TMEM232: variants seen among roughly 807,000 people sequenced by gnomAD.
The protein encoded by TMEM232 is transmembrane protein 232.
Under a neutral mutation model 78.8 loss-of-function variants are expected in TMEM232, and 80 were observed. That is an observed-to-expected ratio of 1.01 (90% CI 0.85 to 1.22). The LOEUF is 1.22. TMEM232 is among the 50% of genes most tolerant of loss of function. TMEM232 has a pLI of 0.00. For synonymous variants in TMEM232, 297 were observed against 254.3 expected, an observed-to-expected ratio of 1.17 and a Z score of -1.60; for missense variants, 881 against 742.2, an observed-to-expected ratio of 1.19 and a Z score of -2.17.
At chr5:110,399,512 G>T (rs980615529) in intron 2 of TMEM232, among the ~76,000 whole-genome samples, 6 of 151,928 alleles carry the variant, frequency 3.9e-5, no homozygotes, top group Non-Finnish European at 8.8e-5. Flanking sequence ...TTTTTTAAAA[G>T]GCCTTCCTCT....
rs1796840666 is a variant in TMEM232 at position 110,714,601 on chromosome 5, C to T, written c.-13+12026G>A. 3.9e-5 allele frequency among the ~76,000 whole-genome samples: 6 copies of T among 152,068 alleles called. No homozygotes were observed. In the South Asian group the frequency reaches 1.2e-3, roughly 32 times the overall value. On this transcript the variant is annotated intron_variant, in intron 1 of 13. Coordinates refer to ENST00000455884, the MANE Select transcript of TMEM232 (RefSeq NM_001039763.4). Reference sequence around the variant, plus strand: ...CTTTTAGTTGACACAATGTCCAATACACAATGTGAAATACACACACACACA... The same window carrying T: ...CTTTTAGTTGACACAATGTCCAATATACAATGTGAAATACACACACACACA...
At chr5:110,562,090 C>T (rs1274447884) in intron 11 of TMEM232, among the ~76,000 whole-genome samples, 2 of 151,982 alleles carry the variant, frequency 1.3e-5, no homozygotes, top group African/African-American at 2.4e-5. Flanking sequence ...AGCAATAATT[C>T]ATTATTTAAA....
intron 12 of TMEM232, among the ~76,000 whole-genome samples, chr5:110,446,063 C>T (rs1428316918): frequency 6.6e-6 from 1 of 152,114 alleles, no homozygotes; most frequent in Non-Finnish European, 1.5e-5. Context: ...GGCTGCCTTC[C>T]ATAGGGGTGA....
intron 5 of TMEM232, among the ~76,000 whole-genome samples, chr5:110,637,732 A>G (rs1375030689): frequency 1.3e-5 from 2 of 152,056 alleles, no homozygotes; most frequent in African/African-American, 4.8e-5. Context: ...ATATGATCTC[A>G]AGGACATTAT....
downstream of TMEM232, among the ~76,000 whole-genome samples, chr5:110,416,466 C>G (rs1017292770): frequency 6.6e-6 from 1 of 152,176 alleles, no homozygotes; most frequent in Non-Finnish European, 1.5e-5. Context: ...CTGGAGGAGA[C>G]TATGGTGACT....
chr5:110,448,159 G>A (rs2112806068), intron 12 of TMEM232, among the ~76,000 whole-genome samples: 1 of 152,100 alleles, frequency 6.6e-6, no homozygotes, highest in East Asian at 1.9e-4. Flanking sequence ...ATAAAGAGAA[G>A]TAAAATCTGC....
chr5:110,590,415 C>T (rs1476848220), intron 10 of TMEM232, among the ~76,000 whole-genome samples: 1 of 152,144 alleles, frequency 6.6e-6, no homozygotes, highest in Non-Finnish European at 1.5e-5. Flanking sequence ...CACCTCCTGT[C>T]AGATCAGTGG....
intron 12 of TMEM232, among the ~76,000 whole-genome samples, chr5:110,448,067 A>G (rs1580720826): frequency 6.6e-6 from 1 of 152,066 alleles, no homozygotes; most frequent in Non-Finnish European, 1.5e-5. Context: ...ACTGAATACT[A>G]AAGAAAAAAT....
At chr5:110,391,291 A>ATGTGTGTGTGTGTGTG (rs369913835) in intron 3 of TMEM232, among the ~76,000 whole-genome samples, 6 of 130,574 alleles carry the variant, frequency 4.6e-5, no homozygotes, top group East Asian at 2.4e-4. Flanking sequence ...TCCCGTTTGA[A>ATGTGTGTGTGTGTGTG]TGTGTGTGTG....
In TMEM232 at chr5:110,499,627, A is replaced by ACCCC. The variant is rs140788823; in HGVS notation, c.1703+28957_1703+28960dup. 1.5e-3 allele frequency among the ~76,000 whole-genome samples: 177 copies of ACCCC among 119,450 alleles called. 2 individuals are homozygous for ACCCC. Among genetic ancestry groups the ACCCC allele is most frequent in the South Asian group, 0.011 (44 of 3,858 alleles). The allele number at this position is 119,450 out of a possible 152,430, so 78.4% of individuals were successfully genotyped here. A position where few individuals can be genotyped will look rare whatever the true frequency, so the allele number is the denominator to read the frequency against. ...AGAGAGGGGAAAAATATATGTATACACCCCCCCCCACACACACACATATAT... is the reference window on the plus strand; with the variant it reads ...AGAGAGGGGAAAAATATATGTATACACCCCCCCCCCCCCACACACACACATATAT... On this transcript the variant is annotated intron_variant, in intron 12 of 13. Transcript: ENST00000455884.
At chr5:110,712,257 T>G (rs1164382841) in intron 1 of TMEM232, among the ~76,000 whole-genome samples, 1 of 151,638 alleles carries the variant, frequency 6.6e-6, no homozygotes, top group African/African-American at 2.4e-5. Flanking sequence ...AGTGATCACA[T>G]CAAGTTAAAA....
chr5:110,643,792 T>G (rs1177509684), intron 2 of TMEM232, among the ~76,000 whole-genome samples: 3 of 151,988 alleles, frequency 2.0e-5, no homozygotes, highest in Non-Finnish European at 4.4e-5. Context: ...ACAGATCTAC[T>G]AAAAATAACA....
chr5:110,546,858 G>T (rs1773838220), intron 11 of TMEM232, among the ~76,000 whole-genome samples: 1 of 151,778 alleles, frequency 6.6e-6, no homozygotes, highest in African/African-American at 2.4e-5. Flanking sequence ...AGGGATTTCG[G>T]GAATTAGCAA....
At chr5:110,605,498 T>C in intron 9 of TMEM232, 140 bp from the exon 10 acceptor site, 1 of 856,704 alleles carries the variant, frequency 1.2e-6, no homozygotes, top group South Asian at 2.6e-5. Context: ...GGGTTTACCA[T>C]GAGTAGACTG....
chr5:110,618,221 T>C (rs1036370767), intron 8 of TMEM232, among the ~76,000 whole-genome samples: 2 of 152,028 alleles, frequency 1.3e-5, no homozygotes, highest in African/African-American at 4.8e-5. Context: ...TGCGTGCACA[T>C]CTAGCAAAGC....
intron 1 of TMEM232, among the ~76,000 whole-genome samples, chr5:110,712,783 A>G (rs1331565378): frequency 2.0e-5 from 3 of 152,198 alleles, no homozygotes; most frequent in African/African-American, 7.2e-5. Flanking sequence ...ATGTGGAGAA[A>G]AGGGAGCCCA....
At chr5:110,733,496 G>A (rs1580828474) in intron 2 of TMEM232, among the ~76,000 whole-genome samples, 1 of 152,150 alleles carries the variant, frequency 6.6e-6, no homozygotes, top group Non-Finnish European at 1.5e-5. Flanking sequence ...GGAATACTAT[G>A]CAGCCATAAA....
chr5:110,545,309 C>A (rs1773641495), intron 11 of TMEM232, among the ~76,000 whole-genome samples: 1 of 151,894 alleles, frequency 6.6e-6, no homozygotes, highest in South Asian at 2.1e-4. Flanking sequence ...GGTAGGAGAG[C>A]TGTGGGGCTC....
chr5:110,513,914 AT>A (rs1466359589), intron 12 of TMEM232: 1 of 170,256 alleles, frequency 5.9e-6, no homozygotes, highest in African/African-American at 2.4e-5. Context: ...CACCAACCTA[AT>A]ATTTTGAGTA....
Sources: gnomAD v4.1 joint callset for allele counts (sites outside exome capture counted in the v4.1 genomes callset) on GRCh38, gnomAD v4.1.1 for gene constraint, MANE v1.5 for transcripts, NCBI Gene and HGNC (gene_info 2026-07-23, HGNC 2026-07-21) for gene names.